The following DSCAM variants were observed in gnomAD, a reference collection of about 807,000 sequenced individuals.
DSCAM encodes cell adhesion molecule DSCAM.
In DSCAM, 47 loss-of-function variants were observed where a neutral mutation model predicts 217.7. That is an observed-to-expected ratio of 0.22 (90% CI 0.17 to 0.28). The LOEUF is 0.28. Ranked by LOEUF, DSCAM falls within the 10% of genes least tolerant of loss-of-function variation. The pLI, the probability that DSCAM is intolerant of heterozygous loss-of-function variation, is 1.00. For missense variants in DSCAM, 2,080 were observed against 2,618.3 expected (o/e 0.79, Z 4.49); for synonymous variants, 1,056 against 1,015.3 (o/e 1.04, Z -0.76).
At chr21:40,139,783 GTGTGGTGTGATA>G (rs1323286020) in intron 18 of DSCAM, among the ~76,000 whole-genome samples, 1 of 151,534 alleles carries the variant, frequency 6.6e-6, no homozygotes, top group East Asian at 1.9e-4. Context: ...AGGGATGTGT[GTGTGGTGTGATA>G]TGTGGTGTAT....
intron 3 of DSCAM, among the ~76,000 whole-genome samples, chr21:40,655,497 C>T (rs1006867081): frequency 2.0e-5 from 3 of 149,956 alleles, no homozygotes; most frequent in African/African-American, 7.4e-5. Flanking sequence ...GGCTGGAGCA[C>T]AGTGGCACAA....
chr21:40,060,195 G>A lies in DSCAM; in HGVS notation c.4919+2674C>T, dbSNP rs376706118. 3.3e-5 allele frequency among the ~76,000 whole-genome samples: 5 copies of A among 152,218 alleles called. No individual in the cohort carries two copies. In the East Asian group the frequency reaches 7.7e-4, roughly 24 times the overall value. On this transcript the variant is annotated intron_variant, in intron 28 of 32. Coordinates refer to ENST00000400454, the MANE Select transcript of DSCAM (RefSeq NM_001389.5). ...GGCTTTACTCTTCCTAATTCATGCT[G>A]GTAACTGGCAATAGGAAGACCATAA...
intron 3 of DSCAM, among the ~76,000 whole-genome samples, chr21:40,453,292 C>G (rs2075737027): frequency 6.6e-6 from 1 of 152,056 alleles, no homozygotes; most frequent in Admixed American, 6.6e-5. Context: ...ATGGAGAGAT[C>G]TACTGAAAAA....
rs1328069585 is a variant in DSCAM, at chr21:40,667,534, A to C, written c.508+25276T>G. Among the ~76,000 whole-genome samples the C allele has an allele frequency of 3.3e-5, 5 of 152,304 alleles. No homozygotes were observed. In the East Asian group the frequency reaches 5.8e-4, roughly 18 times the overall value. ...GGCTACCTTCGATTTATGCCTCTTG[A>C]TATGGCTTGGCTGTGTCCTCACCAA... On this transcript the variant is annotated intron_variant, in intron 3 of 32. Transcript: ENST00000400454.
At chr21:40,070,254 G>GT (rs1568924562) in intron 27 of DSCAM, among the ~76,000 whole-genome samples, 4 of 141,760 alleles carry the variant, frequency 2.8e-5, no homozygotes, top group East Asian at 2.2e-4. Flanking sequence ...GGTAGGGAAG[G>GT]AGGGAGGGAG....
chr21:40,028,430 G>A lies in DSCAM; in HGVS notation c.5686+13941C>T, dbSNP rs568003057. On this transcript the variant is annotated intron_variant, in intron 32 of 32. Coordinates refer to ENST00000400454, the MANE Select transcript of DSCAM (RefSeq NM_001389.5). ...TACCTAAGCAAGCCTGGGCAATGGCGGGCCCCCCTCCCCCAGCCTGGCTGC... is the reference window on the plus strand; with the variant it reads ...TACCTAAGCAAGCCTGGGCAATGGCAGGCCCCCCTCCCCCAGCCTGGCTGC... Among the ~76,000 whole-genome samples the A allele has an allele frequency of 4.0e-5, 6 of 151,494 alleles. No homozygotes were observed. In the East Asian group the frequency reaches 5.8e-4, roughly 15 times the overall value.
chr21:40,266,497 T>C (rs2073529324), intron 11 of DSCAM, among the ~76,000 whole-genome samples: 1 of 151,698 alleles, frequency 6.6e-6, no homozygotes, highest in South Asian at 2.1e-4. Context: ...ATCGCACTAC[T>C]GGGTATCTAT....
intron 32 of DSCAM, among the ~76,000 whole-genome samples, chr21:40,018,730 G>C (rs963826901): frequency 6.6e-6 from 1 of 152,230 alleles, no homozygotes; most frequent in Non-Finnish European, 1.5e-5. Flanking sequence ...TTCAGATGTA[G>C]TTATCAAGAG....
intron 3 of DSCAM, among the ~76,000 whole-genome samples, chr21:40,457,066 G>A (rs187665119): frequency 6.4e-4 from 97 of 152,280 alleles, no homozygotes; most frequent in African/African-American, 2.2e-3. Flanking sequence ...GAATCAAATA[G>A]ATTCTTTAAT....
chr21:40,191,391 T>C (rs1229584702), intron 11 of DSCAM, among the ~76,000 whole-genome samples: 1 of 152,172 alleles, frequency 6.6e-6, no homozygotes, highest in East Asian at 1.9e-4. Flanking sequence ...GGACAGTTGC[T>C]CACAACTGTT....
intron 1 of DSCAM, among the ~76,000 whole-genome samples, chr21:40,821,137 C>CATATATATAGATATCTTCACAT (rs6147513): frequency 7.2e-6 from 1 of 138,266 alleles, no homozygotes; most frequent in Non-Finnish European, 1.5e-5. Context: ...TATATCTTCA[C>CATATATATAGATATCTTCACAT]ATATATATAT....
intron 11 of DSCAM, among the ~76,000 whole-genome samples, chr21:40,257,150 G>C (rs1312104657): frequency 1.3e-5 from 2 of 152,072 alleles, no homozygotes; most frequent in African/African-American, 4.8e-5. Flanking sequence ...TGGTATCTTT[G>C]GGGAATTGGT....
chr21:40,040,485 C>T (rs566240793), intron 32 of DSCAM, among the ~76,000 whole-genome samples: 26 of 152,244 alleles, frequency 1.7e-4, no homozygotes, highest in Middle Eastern at 3.4e-3. Context: ...GGGAAAATGA[C>T]GGCATGCTAT....
intron 3 of DSCAM, among the ~76,000 whole-genome samples, chr21:40,635,716 GGTGT>G (rs930028166): frequency 1.3e-5 from 2 of 152,104 alleles, no homozygotes; most frequent in African/African-American, 4.8e-5. Context: ...ATTAAAATGT[GGTGT>G]GTATTTTAGT....
rs372795387 is a variant in DSCAM at position 40,845,883 on chromosome 21, C to T, written c.43+736G>A. On this transcript the variant is annotated intron_variant, in intron 1 of 32. Coordinates refer to ENST00000400454, the MANE Select transcript of DSCAM (RefSeq NM_001389.5). ...TAATTGGGTCTGACTCAGTCAAGAG[C>T]AATAGCTTTCTAAATACCCAGGAAG... Among the ~76,000 whole-genome samples, 38 of 152,164 alleles carry T rather than the reference C, an allele frequency of 2.5e-4. No homozygotes were observed. The East Asian group carries it at 4.1e-3, about 16-fold the overall frequency.
At chr21:40,486,233 A>G (rs747497804) in intron 3 of DSCAM, among the ~76,000 whole-genome samples, 8 of 152,192 alleles carry the variant, frequency 5.3e-5, no homozygotes, top group Non-Finnish European at 7.3e-5. Flanking sequence ...GACTTGGGAT[A>G]ATCACCCGGC....
chr21:40,243,282 T>A (rs960692266), intron 11 of DSCAM, among the ~76,000 whole-genome samples: 24 of 152,232 alleles, frequency 1.6e-4, no homozygotes, highest in African/African-American at 4.3e-4. Context: ...GTGATTTTTT[T>A]AAAAATAAAA....
At chr21:40,769,790 T>G (rs1382462321) in intron 1 of DSCAM, among the ~76,000 whole-genome samples, 5 of 152,170 alleles carry the variant, frequency 3.3e-5, no homozygotes, top group African/African-American at 9.7e-5. Flanking sequence ...TGATCAGGTT[T>G]CTCCTTCACC....
At chr21:40,386,238 T>C (rs2075083682) in intron 3 of DSCAM, among the ~76,000 whole-genome samples, 1 of 152,240 alleles carries the variant, frequency 6.6e-6, no homozygotes. Flanking sequence ...ATATTTTTCA[T>C]TGCAAAGCAA....
Sources: gnomAD v4.1 joint callset for allele counts (sites outside exome capture counted in the v4.1 genomes callset) on GRCh38, gnomAD v4.1.1 for gene constraint, MANE v1.5 for transcripts, NCBI Gene and HGNC (gene_info 2026-07-23, HGNC 2026-07-21) for gene names.